The following MEI4 variants were observed in gnomAD, a reference collection of about 807,000 sequenced individuals.
MEI4 encodes the protein meiosis-specific protein MEI4.
A neutral mutation model predicts 31.4 loss-of-function variants in MEI4; 27 were observed. The observed-to-expected ratio is 0.86, with a 90% CI of 0.63 to 1.19. The LOEUF (loss-of-function observed/expected upper bound fraction) is 1.19, where lower values mean the gene tolerates loss of function less well. Ranked by LOEUF, MEI4 falls within the 50% of genes most tolerant of loss-of-function variation. The pLI is 0.00. For synonymous variants in MEI4, 122 were observed against 145.4 expected, an observed-to-expected ratio of 0.84 and a Z score of 1.16; for missense variants, 329 against 398.9, an observed-to-expected ratio of 0.82 and a Z score of 1.49.
intron 4 of MEI4, among the ~76,000 whole-genome samples, chr6:77,870,344 G>A (rs1301322751): frequency 3.3e-5 from 5 of 152,146 alleles, no homozygotes; most frequent in Non-Finnish European, 7.4e-5. Context: ...GTAGGCTAAT[G>A]TAAGTGATCT....
chr6:77,762,785 A>C (rs1409800188), intron 3 of MEI4, among the ~76,000 whole-genome samples: 2 of 152,222 alleles, frequency 1.3e-5, no homozygotes, highest in Non-Finnish European at 2.9e-5. Context: ...CATTTGTGAA[A>C]GATATTGAAT....
At chr6:77,752,273 A>G (rs748511330) in intron 2 of MEI4, among the ~76,000 whole-genome samples, 35 of 152,224 alleles carry the variant, frequency 2.3e-4, no homozygotes, top group Non-Finnish European at 4.1e-4. Context: ...GGCCAGGGCA[A>G]TCAGGCAGGA....
chr6:77,822,115 T>C (rs528417076), intron 3 of MEI4, among the ~76,000 whole-genome samples: 9 of 152,204 alleles, frequency 5.9e-5, no homozygotes, highest in Non-Finnish European at 1.2e-4. Flanking sequence ...TCTCTTTCTT[T>C]CTTACGAATT....
intron 3 of MEI4, among the ~76,000 whole-genome samples, chr6:77,787,722 A>T (rs555153201): frequency 2.6e-5 from 4 of 152,212 alleles, no homozygotes; most frequent in Non-Finnish European, 5.9e-5. Flanking sequence ...AGAAATGGAA[A>T]TCTAAAAATT....
intron 3 of MEI4, among the ~76,000 whole-genome samples, chr6:77,789,695 C>G (rs1310476151): frequency 6.6e-6 from 1 of 152,098 alleles, no homozygotes; most frequent in Non-Finnish European, 1.5e-5. Flanking sequence ...TAAATCAAAA[C>G]CACAATGAGA....
intron 4 of MEI4, among the ~76,000 whole-genome samples, chr6:77,921,487 T>G (rs1376889889): frequency 1.3e-5 from 2 of 151,844 alleles, no homozygotes; most frequent in African/African-American, 4.8e-5. Context: ...CTTCTTATTA[T>G]TTGTGTGTTC....
chr6:77,659,470 G>C (rs1460847359), intron 1 of MEI4, among the ~76,000 whole-genome samples: 1 of 152,188 alleles, frequency 6.6e-6, no homozygotes, highest in Non-Finnish European at 1.5e-5. Context: ...GGAGGCAGCT[G>C]TCAGAGGTTG....
rs866819063 is a variant in MEI4, at chr6:77,924,219, T to C, written c.*873T>C. ...TATGTTACATTTCCTATAGTGCCAT[T>C]TAGGGAACACAAAATATAAATTTCC... On this transcript the variant is annotated 3_prime_UTR_variant, in exon 5 of 5. Coordinates refer to ENST00000684080, the MANE Select transcript of MEI4 (RefSeq NM_001322247.2). 5.3e-5 allele frequency: 8 copies of C among 151,926 alleles called. No individual in the cohort carries two copies. Among genetic ancestry groups the C allele is most frequent in the Middle Eastern group, 6.8e-3 (2 of 294 alleles). 9.4% of individuals were successfully genotyped at this position (151,926 alleles called of 1,614,324 possible).
chr6:77,754,020 A>G (rs183370257), intron 2 of MEI4, among the ~76,000 whole-genome samples: 286 of 152,178 alleles, frequency 1.9e-3, no homozygotes, highest in Non-Finnish European at 2.7e-3. Context: ...CAAACACCGC[A>G]TGTCTCACTC....
chr6:77,835,420 AG>A (rs1322394555), intron 4 of MEI4, among the ~76,000 whole-genome samples: 16 of 149,730 alleles, frequency 1.1e-4, no homozygotes, highest in African/African-American at 4.0e-4. Flanking sequence ...AAAAAAAAAA[AG>A]AAGAGAAAAA....
At chr6:77,730,323 C>T (rs984729389) in intron 2 of MEI4, among the ~76,000 whole-genome samples, 4 of 152,126 alleles carry the variant, frequency 2.6e-5, no homozygotes, top group African/African-American at 9.7e-5. Flanking sequence ...GATTGTATCA[C>T]CATGACTTTG....
chr6:77,734,701 C>A (rs1004913320), intron 2 of MEI4, among the ~76,000 whole-genome samples: 1 of 151,320 alleles, frequency 6.6e-6, no homozygotes, highest in South Asian at 2.1e-4. Flanking sequence ...TTATTTTGCT[C>A]GTTAGTTGAT....
intron 1 of MEI4, among the ~76,000 whole-genome samples, chr6:77,665,689 C>T (rs549001439): frequency 1.8e-4 from 28 of 152,268 alleles, no homozygotes; most frequent in African/African-American, 6.0e-4. Flanking sequence ...CCGTGACCGG[C>T]GCCGGAGTTT....
chr6:77,867,053 C>T (rs1374336058), intron 4 of MEI4, among the ~76,000 whole-genome samples: 1 of 152,140 alleles, frequency 6.6e-6, no homozygotes, highest in Non-Finnish European at 1.5e-5. Context: ...TCTTCCTTAA[C>T]ACCTTATACA....
chr6:77,655,230 T>C (rs1159922379), intron 1 of MEI4, among the ~76,000 whole-genome samples: 1 of 152,228 alleles, frequency 6.6e-6, no homozygotes, highest in Non-Finnish European at 1.5e-5. Flanking sequence ...CCAAAGGACA[T>C]GAACTCATCC....
chr6:77,789,615 A>T (rs1768856527), intron 3 of MEI4, among the ~76,000 whole-genome samples: 1 of 152,234 alleles, frequency 6.6e-6, no homozygotes, highest in South Asian at 2.1e-4. Flanking sequence ...GACACTTCTC[A>T]AAAGAAGACA....
At chr6:77,826,879 A>G (rs1281260749) in intron 3 of MEI4, among the ~76,000 whole-genome samples, 1 of 152,156 alleles carries the variant, frequency 6.6e-6, no homozygotes, top group Non-Finnish European at 1.5e-5. Context: ...ATATAGGAAA[A>G]TTAATTGGGA....
chr6:77,743,528 T>G (rs1767480947), intron 2 of MEI4, among the ~76,000 whole-genome samples: 1 of 152,158 alleles, frequency 6.6e-6, no homozygotes, highest in Non-Finnish European at 1.5e-5. Flanking sequence ...TGGGCTGAGA[T>G]GACGGGGTTT....
chr6:77,803,610 C>T (rs1239040154), intron 3 of MEI4, among the ~76,000 whole-genome samples: 1 of 152,072 alleles, frequency 6.6e-6, no homozygotes, highest in Non-Finnish European at 1.5e-5. Flanking sequence ...GTTTTATCTA[C>T]CTTTGGTCTT....
Sources: allele counts gnomAD v4.1 joint callset (sites outside exome capture counted in the v4.1 genomes callset), GRCh38; gene constraint gnomAD v4.1.1; transcripts MANE v1.5; gene names NCBI Gene and HGNC (gene_info 2026-07-23, HGNC 2026-07-21).